Variants in PCDH15 observed in about 807,000 individuals in gnomAD.
The protein encoded by PCDH15 is protocadherin-15.
PCDH15 carries 129 observed loss-of-function variants against 178.5 expected under a neutral mutation model. The ratio of observed to expected loss-of-function variants is 0.72; its 90% CI spans 0.63 to 0.84. The LOEUF (loss-of-function observed/expected upper bound fraction) is 0.84, where lower values mean the gene tolerates loss of function less well. Ranked by LOEUF, PCDH15 falls within the 40% of genes least tolerant of loss-of-function variation. The pLI, the probability that PCDH15 is intolerant of heterozygous loss-of-function variation, is 0.00. For synonymous variants in PCDH15, 800 were observed against 732.0 expected, an observed-to-expected ratio of 1.09 and a Z score of -1.50; for missense variants, 2,230 against 2,099.9, an observed-to-expected ratio of 1.06 and a Z score of -1.21.
chr10:54,018,435 A>G (rs2092811137), intron 20 of PCDH15, among the ~76,000 whole-genome samples: 2 of 152,112 alleles, frequency 1.3e-5, no homozygotes, highest in Non-Finnish European at 2.9e-5. Context: ...AAATTCTGCT[A>G]AACAATTCAC....
At chr10:55,068,451 T>C (rs1045016125) in intron 2 of PCDH15, among the ~76,000 whole-genome samples, 3 of 152,136 alleles carry the variant, frequency 2.0e-5, no homozygotes, top group Non-Finnish European at 4.4e-5. Context: ...TTCTCATTTA[T>C]GCATACATTT....
intron 8 of PCDH15, among the ~76,000 whole-genome samples, chr10:54,259,316 G>A (rs1484011609): frequency 6.6e-6 from 1 of 152,092 alleles, no homozygotes; most frequent in East Asian, 1.9e-4. Context: ...GTCACCTTAG[G>A]TCTAGCTGAA....
intron 2 of PCDH15, among the ~76,000 whole-genome samples, chr10:55,531,739 C>G (rs73254685): frequency 6.6e-6 from 1 of 151,998 alleles, no homozygotes; most frequent in Non-Finnish European, 1.5e-5. Flanking sequence ...CCAGATCATT[C>G]TCACATTCAT....
chr10:54,747,131 T>C (rs1376984124), intron 1 of PCDH15, among the ~76,000 whole-genome samples: 1 of 152,140 alleles, frequency 6.6e-6, no homozygotes, highest in African/African-American at 2.4e-5. Flanking sequence ...TTTCCAGACT[T>C]TCAGAAATAA....
intron 6 of PCDH15, among the ~76,000 whole-genome samples, chr10:54,338,234 T>C (rs1304937252): frequency 6.6e-6 from 1 of 152,180 alleles, no homozygotes; most frequent in Non-Finnish European, 1.5e-5. Flanking sequence ...TAATTATACA[T>C]GAGTTTCCAG....
chr10:53,852,344 A>G (rs1250104762), intron 28 of PCDH15, among the ~76,000 whole-genome samples: 1 of 152,146 alleles, frequency 6.6e-6, no homozygotes, highest in Non-Finnish European at 1.5e-5. Flanking sequence ...TCAACTTAAA[A>G]TACGTCAGAG....
At chr10:55,410,630 A>G (rs1838308667) in intron 2 of PCDH15, among the ~76,000 whole-genome samples, 1 of 152,070 alleles carries the variant, frequency 6.6e-6, no homozygotes, top group African/African-American at 2.4e-5. Context: ...ACAATGAAAC[A>G]TTTCCCGGAG....
intron 2 of PCDH15, among the ~76,000 whole-genome samples, chr10:55,516,823 A>C (rs1167111804): frequency 6.6e-6 from 1 of 152,104 alleles, no homozygotes; most frequent in East Asian, 1.9e-4. Context: ...TAGGCAAAAA[A>C]ATTTCAGATT....
intron 1 of PCDH15, among the ~76,000 whole-genome samples, chr10:55,315,694 G>T (rs980483896): frequency 2.6e-5 from 4 of 152,112 alleles, no homozygotes; most frequent in African/African-American, 7.2e-5. Context: ...CTTCTCAGGA[G>T]TAATGAAGTC....
intron 2 of PCDH15, among the ~76,000 whole-genome samples, chr10:55,140,776 G>T (rs764092908): frequency 1.1e-4 from 17 of 151,916 alleles, no homozygotes; most frequent in Admixed American, 1.3e-4. Context: ...ATTTCTTTTA[G>T]AGTTATTGGG....
At chr10:55,189,542 C>T (rs1364326799) in intron 1 of PCDH15, among the ~76,000 whole-genome samples, 2 of 151,750 alleles carry the variant, frequency 1.3e-5, no homozygotes, top group Non-Finnish European at 2.9e-5. Flanking sequence ...GGATTGTATT[C>T]ACACTCTCCA....
At chr10:55,552,847 G>A (rs1170461134) in intron 2 of PCDH15, among the ~76,000 whole-genome samples, 1 of 151,368 alleles carries the variant, frequency 6.6e-6, no homozygotes, top group African/African-American at 2.4e-5. Context: ...ATGTGATTTT[G>A]TTTTCTTAAA....
chr10:54,397,253 A>C (rs113934223), intron 3 of PCDH15, among the ~76,000 whole-genome samples: 4,011 of 152,086 alleles, frequency 0.026, 171 homozygotes, highest in African/African-American at 0.089. Flanking sequence ...GTCTTAAAAA[A>C]CTTGGAGACA....
At chr10:54,064,963 C>A (rs190283851) in intron 18 of PCDH15, among the ~76,000 whole-genome samples, 1 of 152,244 alleles carries the variant, frequency 6.6e-6, no homozygotes, top group Admixed American at 6.5e-5. Context: ...TTGCTCCCAC[C>A]GGCTCCCTGG....
At chr10:53,937,778 C>T (rs528895936) in intron 25 of PCDH15, among the ~76,000 whole-genome samples, 128 of 152,226 alleles carry the variant, frequency 8.4e-4, no homozygotes, top group African/African-American at 3.1e-3. Context: ...TCCTGTCTTG[C>T]TTTCTTTTCT....
In PCDH15 at chr10:55,193,581, A is replaced by G. The variant is rs538889623; in HGVS notation, c.-155-26930T>C. On this transcript the variant is annotated intron_variant, in intron 1 of 5. Coordinates refer to the PCDH15 transcript ENST00000458638. ...CATCATTTTTTATTTTTCTCAGAAGAAAATAAATGTAAATGGTTTAAATTC... is the reference window on the plus strand; with the variant it reads ...CATCATTTTTTATTTTTCTCAGAAGGAAATAAATGTAAATGGTTTAAATTC... Among the ~76,000 whole-genome samples the G allele has an allele frequency of 2.0e-5, 3 of 152,092 alleles. No individual in the cohort carries two copies. The East Asian group carries it at 5.8e-4, about 29-fold the overall frequency.
chr10:54,233,399 T>C (rs949828150), intron 9 of PCDH15, among the ~76,000 whole-genome samples: 30 of 152,220 alleles, frequency 2.0e-4, no homozygotes, highest in African/African-American at 7.0e-4. Flanking sequence ...CCATGAGTCA[T>C]TGATTAAAGA....
At chr10:54,110,894 A>T (rs2095010021) in intron 15 of PCDH15, among the ~76,000 whole-genome samples, 3 of 152,180 alleles carry the variant, frequency 2.0e-5, no homozygotes, top group Non-Finnish European at 4.4e-5. Flanking sequence ...AGTTTTCTTA[A>T]TAACTCTTCC....
intron 3 of PCDH15, among the ~76,000 whole-genome samples, chr10:54,465,717 CT>C (rs1327711156): frequency 6.6e-6 from 1 of 151,838 alleles, no homozygotes; most frequent in African/African-American, 2.4e-5. Flanking sequence ...GTGCAGGTAT[CT>C]TTTTGATATA....
Sources: gnomAD v4.1 joint callset for allele counts (sites outside exome capture counted in the v4.1 genomes callset) on GRCh38, gnomAD v4.1.1 for gene constraint, MANE v1.5 for transcripts, NCBI Gene and HGNC (gene_info 2026-07-23, HGNC 2026-07-21) for gene names.